Variants in SLC44A5 observed in about 807,000 individuals in gnomAD.
SLC44A5 encodes the protein choline transporter-like protein 5.
SLC44A5 carries 57 observed loss-of-function variants against 101.8 expected under a neutral mutation model. The ratio of observed to expected loss-of-function variants is 0.56; its 90% CI spans 0.45 to 0.70. The LOEUF is 0.70. Ranked by LOEUF, SLC44A5 falls within the 30% of genes least tolerant of loss-of-function variation. The probability of loss-of-function intolerance (pLI) is 0.00; values close to 1 mark genes in which losing one functional copy is unlikely to be tolerated. For synonymous variants in SLC44A5, 281 were observed against 290.9 expected (o/e 0.97, Z 0.35); for missense variants, 737 against 853.1 (o/e 0.86, Z 1.70).
the SLC44A5 span, among the ~76,000 whole-genome samples, chr1:75,636,703 C>T: frequency 6.6e-6 from 1 of 151,942 alleles, no homozygotes; most frequent in Non-Finnish European, 1.5e-5. Context: ...TAAATAACTA[C>T]AGTATAATGC....
chr1:75,488,778 A>G (rs1668287142), intron 2 of SLC44A5, among the ~76,000 whole-genome samples: 1 of 152,210 alleles, frequency 6.6e-6, no homozygotes, highest in South Asian at 2.1e-4. Flanking sequence ...AATAATTTAT[A>G]TGTTCTGTGG....
chr1:75,234,385 AC>A (rs1185169164), intron 11 of SLC44A5, among the ~76,000 whole-genome samples: 2 of 152,058 alleles, frequency 1.3e-5, no homozygotes, highest in Non-Finnish European at 2.9e-5. Context: ...AATTTCTCCA[AC>A]TACAATTTTG....
At chr1:75,653,536 T>G in the SLC44A5 span, among the ~76,000 whole-genome samples, 18 of 152,108 alleles carry the variant, frequency 1.2e-4, no homozygotes, top group Admixed American at 9.8e-4. Flanking sequence ...GAAGGGAATC[T>G]CTGTCATTAA....
chr1:75,444,483 G>GAAGAAAGAAAGAAGAAAGAAAGAAAGA, intron 2 of SLC44A5, among the ~76,000 whole-genome samples: 1 of 140,730 alleles, frequency 7.1e-6, no homozygotes, highest in Non-Finnish European at 1.5e-5. Flanking sequence ...GAGAAAGAAA[G>GAAGAAAGAAAGAAGAAAGAAAGAAAGA]AAGAAAGAAA....
intron 2 of SLC44A5, among the ~76,000 whole-genome samples, chr1:75,537,020 A>AT (rs1671069414): frequency 6.6e-5 from 3 of 45,434 alleles, no homozygotes; most frequent in Non-Finnish European, 2.4e-4. Context: ...AAAAAAAAAA[A>AT]AAAAAAAAAA....
chr1:75,513,972 A>G (rs180792426), intron 2 of SLC44A5, among the ~76,000 whole-genome samples: 4 of 152,260 alleles, frequency 2.6e-5, no homozygotes, highest in Admixed American at 2.6e-4. Flanking sequence ...AGCTAGTAGT[A>G]CAGGCATCAC....
At chr1:75,684,311 C>T in the SLC44A5 span, among the ~76,000 whole-genome samples, 1 of 152,060 alleles carries the variant, frequency 6.6e-6, no homozygotes, top group African/African-American at 2.4e-5. Flanking sequence ...ATCCTTGGCC[C>T]CTCCAAAATC....
chr1:75,343,851 A>G (rs1239751366), intron 3 of SLC44A5, among the ~76,000 whole-genome samples: 26 of 152,280 alleles, frequency 1.7e-4, no homozygotes, highest in Admixed American at 1.4e-3. Flanking sequence ...ATTCAAAGAA[A>G]GGGTTCTGTT....
the SLC44A5 span, among the ~76,000 whole-genome samples, chr1:75,716,430 C>T: frequency 1.6e-4 from 25 of 151,898 alleles, no homozygotes; most frequent in Admixed American, 1.4e-3. Flanking sequence ...ATGATCACGC[C>T]GCTGCACTCC....
chr1:75,636,798 A>C, the SLC44A5 span, among the ~76,000 whole-genome samples: 1 of 152,128 alleles, frequency 6.6e-6, no homozygotes, highest in Non-Finnish European at 1.5e-5. Context: ...GCAGTAATAA[A>C]GAATACTTTC....
chr1:75,335,491 T>C (rs1284400129), intron 4 of SLC44A5, among the ~76,000 whole-genome samples: 1 of 152,168 alleles, frequency 6.6e-6, no homozygotes, highest in Non-Finnish European at 1.5e-5. Context: ...ATTGCATGAA[T>C]AGAATATCTG....
chr1:75,555,087 C>G (rs1557902672), intron 1 of SLC44A5, among the ~76,000 whole-genome samples: 1 of 152,118 alleles, frequency 6.6e-6, no homozygotes, highest in Non-Finnish European at 1.5e-5. Flanking sequence ...TGTAAATGGA[C>G]TAGACACTCC....
At chr1:75,206,519 C>T in intron 23 of SLC44A5, 1 of 886,826 alleles carries the variant, frequency 1.1e-6, no homozygotes. Context: ...AGAAATTTCA[C>T]ATTACTCAAA....
At chr1:75,374,576 G>T (rs2101193896) in intron 3 of SLC44A5, among the ~76,000 whole-genome samples, 1 of 152,244 alleles carries the variant, frequency 6.6e-6, no homozygotes, top group South Asian at 2.1e-4. Context: ...CCCCTCCCCA[G>T]GGCACCGCTG....
At chr1:75,721,465 GC>G in the SLC44A5 span, among the ~76,000 whole-genome samples, 1 of 152,134 alleles carries the variant, frequency 6.6e-6, no homozygotes, top group Non-Finnish European at 1.5e-5. Context: ...TTTATGTATA[GC>G]CCAAGACAAT....
intron 2 of SLC44A5, among the ~76,000 whole-genome samples, chr1:75,457,561 T>C (rs1666256810): frequency 6.6e-6 from 1 of 152,120 alleles, no homozygotes; most frequent in Non-Finnish European, 1.5e-5. Context: ...CAAGGCATTA[T>C]AAAAAGTTCA....
intron 2 of SLC44A5, among the ~76,000 whole-genome samples, chr1:75,418,145 C>T (rs1276132144): frequency 2.0e-5 from 3 of 152,162 alleles, no homozygotes; most frequent in African/African-American, 4.8e-5. Context: ...TTGTTGCTTG[C>T]GTTCTGTGCC....
chr1:75,402,052 GTC>G (rs1413616181), intron 2 of SLC44A5, among the ~76,000 whole-genome samples: 2 of 152,132 alleles, frequency 1.3e-5, no homozygotes, highest in Admixed American at 6.5e-5. Flanking sequence ...GATGACCAAA[GTC>G]TACAAAATCA....
intron 10 of SLC44A5, among the ~76,000 whole-genome samples, chr1:75,237,768 T>G (rs1453488923): frequency 6.6e-6 from 1 of 152,130 alleles, no homozygotes; most frequent in African/African-American, 2.4e-5. Flanking sequence ...CAGATTTATA[T>G]TTCTGAAAAT....
Sources: allele counts gnomAD v4.1 joint callset (sites outside exome capture counted in the v4.1 genomes callset), GRCh38; gene constraint gnomAD v4.1.1; transcripts MANE v1.5; gene names NCBI Gene and HGNC (gene_info 2026-07-23, HGNC 2026-07-21).